ANO2: variants seen among roughly 807,000 people sequenced by gnomAD.
The protein encoded by ANO2 is anoctamin-2.
ANO2 carries 101 observed loss-of-function variants against 124.2 expected under a neutral mutation model. The observed-to-expected ratio is 0.81, with a 90% CI of 0.69 to 0.96. The LOEUF (loss-of-function observed/expected upper bound fraction) is 0.96. Among genes scored for constraint, ANO2 ranks in the 40% least tolerant of loss-of-function variants. The probability of loss-of-function intolerance (pLI) is 0.00; values close to 1 mark genes in which losing one functional copy is unlikely to be tolerated. For missense variants in ANO2, 1,293 were observed against 1,274.5 expected, an observed-to-expected ratio of 1.01 and a Z score of -0.22; for synonymous variants, 486 against 482.5, an observed-to-expected ratio of 1.01 and a Z score of -0.09.
intron 23 of ANO2, among the ~76,000 whole-genome samples, chr12:5,568,114 T>A (rs1285755569): frequency 6.6e-6 from 1 of 151,528 alleles, no homozygotes; most frequent in East Asian, 1.9e-4. Flanking sequence ...TTCTACTCTA[T>A]CTGATCCTAA....
At chr12:5,799,422 G>C (rs1952969595) in intron 10 of ANO2, 85 bp downstream of exon 10, 2 of 1,147,266 alleles carry the variant, frequency 1.7e-6, no homozygotes, top group Non-Finnish European at 2.6e-6. Context: ...TTGAGCAAAG[G>C]ACTGTCAGAG....
At chr12:5,889,793 G>A (rs1036043147) in intron 3 of ANO2, among the ~76,000 whole-genome samples, 5 of 152,250 alleles carry the variant, frequency 3.3e-5, no homozygotes, top group Non-Finnish European at 5.9e-5. Flanking sequence ...CTTTCTTAAA[G>A]GAGGTATTAA....
chr12:5,907,193 T>C (rs897628638), intron 3 of ANO2, among the ~76,000 whole-genome samples: 3 of 152,228 alleles, frequency 2.0e-5, no homozygotes, highest in African/African-American at 7.2e-5. Context: ...TTGTTTCGGT[T>C]GTGCCTATTT....
At chr12:5,796,560 T>C (rs114927188) in intron 10 of ANO2, among the ~76,000 whole-genome samples, 143 of 151,660 alleles carry the variant, frequency 9.4e-4, no homozygotes, top group African/African-American at 3.3e-3. Flanking sequence ...AACACTCTCA[T>C]ACAGGCTCAC....
intron 10 of ANO2, among the ~76,000 whole-genome samples, chr12:5,763,652 A>G (rs1293502475): frequency 6.6e-6 from 1 of 152,146 alleles, no homozygotes; most frequent in East Asian, 1.9e-4. Context: ...TTTTCAATTC[A>G]GCGAAAATAA....
In ANO2 at chr12:5,832,616, G is replaced by A; in HGVS notation, c.634-13C>T. 1.2e-6 allele frequency: 2 copies of A among 1,606,656 alleles called. No individual in the cohort carries two copies. Among genetic ancestry groups the A allele is most frequent in the Non-Finnish European group, 1.7e-6 (2 of 1,176,400 alleles). ...TGATCTCGTACATCTATGAAAGGAA[G>A]AGCCACAGGTCTGAAAAGGGGGCCA... On this transcript the variant is annotated splice_polypyrimidine_tract_variant and intron_variant, in intron 4 of 24. Transcript: ENST00000682330.
chr12:5,753,650 G>A (rs931624843), intron 10 of ANO2, among the ~76,000 whole-genome samples: 5 of 151,594 alleles, frequency 3.3e-5, no homozygotes, highest in Non-Finnish European at 7.4e-5. Flanking sequence ...ATTCTTTTTG[G>A]TGCTATTGTG....
At chr12:5,622,101 GGAAAACATATCTT>G (rs548904313) in intron 16 of ANO2, among the ~76,000 whole-genome samples, 192 of 152,190 alleles carry the variant, frequency 1.3e-3, no homozygotes, top group Admixed American at 2.4e-3. Context: ...CCGAAAATTT[GGAAAACATATCTT>G]GAAAACATAT....
intron 4 of ANO2, among the ~76,000 whole-genome samples, chr12:5,839,032 C>A (rs1311371227): frequency 6.6e-6 from 1 of 152,156 alleles, no homozygotes; most frequent in Non-Finnish European, 1.5e-5. Flanking sequence ...ACCAAAACAC[C>A]CAAACAAAAT....
chr12:5,624,152 T>C (rs1945269548), intron 16 of ANO2, among the ~76,000 whole-genome samples: 2 of 152,018 alleles, frequency 1.3e-5, no homozygotes, highest in African/African-American at 4.8e-5. Flanking sequence ...TGAGACCTAC[T>C]GAGCTGGCTA....
In ANO2 at chr12:5,807,308, C is replaced by T. The variant is rs745799884; in HGVS notation, c.948+5G>A. ...AGAGAGCACGCTGATGAAAATAGTA[C>T]TTACGTCATGAAGAGGGTAGGCAGC... On this transcript the variant is annotated splice_donor_5th_base_variant and intron_variant, in intron 8 of 24. Coordinates refer to ENST00000682330, the MANE Select transcript of ANO2 (RefSeq NM_001364791.2). 1.3e-6 allele frequency: 2 copies of T among 1,552,494 alleles called. No individual in the cohort carries two copies. Among genetic ancestry groups the T allele is most frequent in the East Asian group, 2.4e-5 (1 of 41,194 alleles).
At chr12:5,829,897 T>C (rs891122459) in intron 6 of ANO2, among the ~76,000 whole-genome samples, 1 of 152,200 alleles carries the variant, frequency 6.6e-6, no homozygotes, top group Non-Finnish European at 1.5e-5. Flanking sequence ...TTCTATTGAA[T>C]GGGCTGGTGA....
intron 7 of ANO2, among the ~76,000 whole-genome samples, chr12:5,825,008 C>A (rs1365653764): frequency 6.6e-6 from 1 of 152,214 alleles, no homozygotes; most frequent in East Asian, 1.9e-4. Flanking sequence ...CCTGCCACAA[C>A]ATGTGGAAAT....
At chr12:5,593,862 G>A (rs1013470376) in intron 20 of ANO2, among the ~76,000 whole-genome samples, 9 of 152,088 alleles carry the variant, frequency 5.9e-5, no homozygotes, top group African/African-American at 1.9e-4. Context: ...GTGGTTCAAC[G>A]GCAGTACCAC....
rs1487301869 is a variant in ANO2 at position 5,852,847 on chromosome 12, ACGTGTGTGTG to A, written c.633+1186_633+1195del. ...GTATACAACTACACTATGGAAAGGGACGTGTGTGTGTGTGTGTGTGTGTGTGTGTGTGTGT... is the reference window on the plus strand; with the variant it reads ...GTATACAACTACACTATGGAAAGGGATGTGTGTGTGTGTGTGTGTGTGTGT... On this transcript the variant is annotated intron_variant, in intron 4 of 24. Coordinates refer to ENST00000682330, the MANE Select transcript of ANO2 (RefSeq NM_001364791.2). Among the ~76,000 whole-genome samples, 213 of 48,924 alleles carry A rather than the reference ACGTGTGTGTG, an allele frequency of 4.4e-3. 2 individuals carry two copies. Among genetic ancestry groups the A allele is most frequent in the African/African-American group, 0.014 (204 of 14,168 alleles). 32.1% of individuals were successfully genotyped at this position (48,924 alleles called of 152,430 possible).
Position 5,574,796 on chromosome 12 carries a change from C to G in ANO2, c.2621+1038G>C, listed in dbSNP as rs115924300. Among the ~76,000 whole-genome samples the G allele has an allele frequency of 4.2e-3, 644 of 152,294 alleles. 9 individuals carry two copies. Among genetic ancestry groups the G allele is most frequent in the African/African-American group, 0.015 (613 of 41,568 alleles). On this transcript the variant is annotated intron_variant, in intron 23 of 24. Coordinates refer to ENST00000682330, the MANE Select transcript of ANO2 (RefSeq NM_001364791.2). ...TAAACCTTCCCTTTATCCTATCATT[C>G]CCTGACACTAAAAAAGTCCAGTGTC...
intron 19 of ANO2, among the ~76,000 whole-genome samples, chr12:5,603,801 AGGGCACGGTGGT>A (rs1324693134): frequency 1.3e-5 from 2 of 151,872 alleles, no homozygotes; most frequent in Non-Finnish European, 2.9e-5. Context: ...AAAAATTAGC[AGGGCACGGTGGT>A]GGGCGCCTGT....
chr12:5,646,327 G>A (rs966239854), intron 15 of ANO2, among the ~76,000 whole-genome samples: 2 of 152,182 alleles, frequency 1.3e-5, no homozygotes, highest in African/African-American at 4.8e-5. Context: ...TCGAGGCTTT[G>A]AGAAGATTGA....
intron 14 of ANO2, among the ~76,000 whole-genome samples, chr12:5,728,018 G>C (rs555915130): frequency 2.0e-4 from 30 of 152,188 alleles, no homozygotes; most frequent in African/African-American, 7.0e-4. Flanking sequence ...ATGTTAGCCA[G>C]GATGGTCTCC....
Sources: gnomAD v4.1 joint callset for allele counts (sites outside exome capture counted in the v4.1 genomes callset) on GRCh38, gnomAD v4.1.1 for gene constraint, MANE v1.5 for transcripts, NCBI Gene and HGNC (gene_info 2026-07-23, HGNC 2026-07-21) for gene names.